CYP3A43: variants seen among roughly 807,000 people sequenced by gnomAD.
CYP3A43 encodes cytochrome P450 3A43.
A neutral mutation model predicts 58.0 loss-of-function variants in CYP3A43; 45 were observed. The observed-to-expected ratio is 0.78, with a 90% confidence interval of 0.61 to 0.99. CYP3A43 has a LOEUF of 0.99. Among genes scored for constraint, CYP3A43 ranks in the 50% least tolerant of loss-of-function variants. The pLI, the probability that CYP3A43 is intolerant of heterozygous loss-of-function variation, is 0.00. For missense variants in CYP3A43, 593 were observed against 591.9 expected (o/e 1.00, Z -0.02); for synonymous variants, 191 against 201.4 (o/e 0.95, Z 0.44).
chr7:99,863,149 A>G (rs1375754712), intron 11 of CYP3A43, among the ~76,000 whole-genome samples: 1 of 152,172 alleles, frequency 6.6e-6, no homozygotes, highest in Non-Finnish European at 1.5e-5. Context: ...TCAATGCTGC[A>G]TGTCAGCTTC....
At chr7:99,858,483 C>T (rs1171597320) in intron 9 of CYP3A43, among the ~76,000 whole-genome samples, 3 of 151,984 alleles carry the variant, frequency 2.0e-5, no homozygotes, top group Non-Finnish European at 4.4e-5. Context: ...GGAGGCAAAC[C>T]TGTAGTCATA....
intron 4 of CYP3A43, among the ~76,000 whole-genome samples, chr7:99,844,853 G>A (rs891584075): frequency 2.0e-5 from 3 of 151,952 alleles, no homozygotes; most frequent in African/African-American, 4.8e-5. Flanking sequence ...GGTGGATCAC[G>A]AGGTCAGGAG....
At chr7:99,839,202 G>A (rs778257070) in intron 3 of CYP3A43, 30 bp downstream of exon 3, 2 of 1,613,048 alleles carry the variant, frequency 1.2e-6, no homozygotes, top group Non-Finnish European at 1.7e-6. Context: ...GCATTGGATA[G>A]AGCTGTTGCT....
chr7:99,828,226 A>G (rs1159636430), intron 1 of CYP3A43, 40 bp downstream of exon 1: 1 of 1,466,678 alleles, frequency 6.8e-7, no homozygotes, highest in Non-Finnish European at 9.2e-7. Flanking sequence ...TAACTCTAAG[A>G]CCTGAAGTGC....
chr7:99,845,018 A>G (rs1183276722), intron 4 of CYP3A43, among the ~76,000 whole-genome samples: 1 of 151,708 alleles, frequency 6.6e-6, no homozygotes. Context: ...GCAGTGAGCC[A>G]AGATTGCGCC....
chr7:99,859,637 G>T (rs1177793955), intron 9 of CYP3A43, among the ~76,000 whole-genome samples, 193 bp from the exon 10 acceptor site: 1 of 152,236 alleles, frequency 6.6e-6, no homozygotes, highest in South Asian at 2.1e-4. Context: ...AAAAAAAACT[G>T]GATTAAAGTG....
rs555911417 is a variant in CYP3A43 at position 99,837,243 on chromosome 7, C to T, written c.165+697C>T. 4.1e-4 allele frequency among the ~76,000 whole-genome samples: 59 copies of T among 144,496 alleles called. No homozygotes were observed. The East Asian group carries it at 1.0e-2, about 24-fold the overall frequency. 94.8% of individuals were successfully genotyped at this position (144,496 alleles called of 152,430 possible). A position where few individuals can be genotyped will look rare whatever the true frequency, so the allele number is the denominator to read the frequency against. On this transcript the variant is annotated intron_variant, in intron 2 of 12. Coordinates refer to ENST00000354829, the MANE Select transcript of CYP3A43 (RefSeq NM_057095.3). ...CTGAGGCAGGAGAATGGCGTGAACC[C>T]GGGAGGCGGAGCTTGCAGTGAGCCG...
At chr7:99,857,152 C>G (rs1818014423) in intron 9 of CYP3A43, among the ~76,000 whole-genome samples, 1 of 152,118 alleles carries the variant, frequency 6.6e-6, no homozygotes, top group African/African-American at 2.4e-5. Context: ...CTGTGGATCA[C>G]CCACATCAGA....
chr7:99,863,601 C>T lies in CYP3A43; in HGVS notation c.1318C>T (p.Arg440Ter), dbSNP rs149091175. 41 of 1,613,852 alleles carry T rather than the reference C, an allele frequency of 2.5e-5. No homozygotes were observed. Among genetic ancestry groups the T allele is most frequent in the East Asian group, 6.7e-5 (3 of 44,898 alleles). ...YRYIPFGAGP[R>*]NCIGMRFALT... The stretch of plus-strand genomic sequence containing the variant: ...ATACATACCTTTTGGAGCTGGACCC[C>T]GAAACTGCATTGGCATGAGGTTTGC... The change falls in exon 12 of 13, where the codon CGA (arginine) becomes TGA (stop). Residue 440 changes from arginine (R) to a stop codon, truncating the protein, a stop_gained. Coordinates refer to ENST00000354829, the MANE Select transcript of CYP3A43 (RefSeq NM_057095.3). LOFTEE classifies it high-confidence loss of function.
Position 99,855,680 on chromosome 7 carries a change from G to A in CYP3A43, c.760G>A (p.Glu254Lys). The change falls in exon 8 of 13, where the codon GAA (glutamate) becomes AAA (lysine). Residue 254 changes from glutamate to lysine, a missense_variant. Physicochemically the swap from Glu to Lys is moderately conservative, Grantham distance 56. Coordinates refer to ENST00000354829, the MANE Select transcript of CYP3A43 (RefSeq NM_057095.3). ...DVTHFLKNSI[E>K]RMKESRLKDK... The stretch of plus-strand genomic sequence containing the variant: ...TACCCATTTTTTAAAAAATTCCATT[G>A]AAAGGATGAAAGAAAGTCGCCTCAA... The A allele has an allele frequency of 6.2e-7, 1 of 1,612,546 alleles. No homozygotes were observed. The highest frequency in any genetic ancestry group is 8.5e-7 in the Non-Finnish European group (1 of 1,179,502).
chr7:99,854,183 C>T (rs1817881222), intron 7 of CYP3A43, among the ~76,000 whole-genome samples: 1 of 151,872 alleles, frequency 6.6e-6, no homozygotes, highest in South Asian at 2.1e-4. Context: ...AGAGTCTGGT[C>T]ACCATCCTTC....
chr7:99,860,626 T>G (rs1818191026), intron 10 of CYP3A43, among the ~76,000 whole-genome samples: 9 of 152,308 alleles, frequency 5.9e-5, no homozygotes. Context: ...TGGCCCTGGT[T>G]TGGCAGTGAG....
At chr7:99,828,267 T>G (rs1816705029) in intron 1 of CYP3A43, 81 bp downstream of exon 1, 1 of 1,205,752 alleles carries the variant, frequency 8.3e-7, no homozygotes, top group South Asian at 1.8e-5. Flanking sequence ...TTATTTGTTT[T>G]GAAGATAAAA....
chr7:99,861,989 A>G (rs1818257172), intron 11 of CYP3A43, 150 bp downstream of exon 11: 2 of 674,144 alleles, frequency 3.0e-6, no homozygotes, highest in Non-Finnish European at 4.8e-6. Flanking sequence ...AACTTTACAA[A>G]CCATAGATTA....
intron 7 of CYP3A43, among the ~76,000 whole-genome samples, chr7:99,853,750 T>A (rs522415): frequency 0.56 from 85,529 of 152,034 alleles, 24,880 homozygotes; most frequent in African/African-American, 0.71. Context: ...AAAGACAAGG[T>A]TTTTACTGTT....
In CYP3A43 at chr7:99,859,864, TATC is replaced by T. The variant is rs2151624087; in HGVS notation, c.906_908del (p.Ile303del). On this transcript the variant is annotated inframe_deletion, in exon 10 of 13. Transcript: ENST00000354829. Reference sequence around the variant, plus strand: ...ATCTGGAGCTTGTGGCCCAGTCAATTATCATCATTTTTGCTGCCTATGACACAA... The same window carrying T: ...ATCTGGAGCTTGTGGCCCAGTCAATTATCATTTTTGCTGCCTATGACACAA... 6.2e-7 allele frequency: 1 copy of T among 1,614,200 alleles called. No homozygotes were observed.
chr7:99,849,818 G>A, intron 7 of CYP3A43, 124 bp downstream of exon 7: 1 of 1,043,004 alleles, frequency 9.6e-7, no homozygotes, highest in Non-Finnish European at 1.3e-6. Context: ...TAATTCAATG[G>A]TTTTTGGTAC....
At position 99,863,639 on chromosome 7, in the gene CYP3A43, A is replaced by G; in HGVS notation, c.1356A>G (p.Ile452Met). The G allele has an allele frequency of 6.2e-7, 1 of 1,614,052 alleles. No homozygotes were observed. Among genetic ancestry groups the G allele is most frequent in the Non-Finnish European group, 8.5e-7 (1 of 1,179,948 alleles). ...GCATGAGGTTTGCTCTCACAAACAT[A>G]AAACTTGCTGTCATTAGAGCACTGC... The part of the protein sequence containing the change: ...CIGMRFALTN[I>M]KLAVIRALQN... Residue 452 changes from isoleucine (I) to methionine (M), a missense_variant, in exon 12 of 13, where the codon ATA becomes ATG. Physicochemically the swap from Ile to Met is conservative, Grantham distance 10. Transcript: ENST00000354829.
At chr7:99,863,463 C>T in intron 11 of CYP3A43, 74 bp from the exon 12 acceptor site, 4 of 1,339,676 alleles carry the variant, frequency 3.0e-6, no homozygotes, top group South Asian at 1.9e-5. Flanking sequence ...AAAGCCACCA[C>T]ACCCTGCATA....
Sources: allele counts gnomAD v4.1 joint callset (sites outside exome capture counted in the v4.1 genomes callset), GRCh38; gene constraint gnomAD v4.1.1; transcripts MANE v1.5; gene names NCBI Gene and HGNC (gene_info 2026-07-23, HGNC 2026-07-21).